DOCK9: variants seen among roughly 807,000 people sequenced by gnomAD.
DOCK9 encodes the protein dedicator of cytokinesis protein 9.
In DOCK9, 89 loss-of-function variants were observed where a neutral mutation model predicts 263.3. That is an observed-to-expected ratio of 0.34 (90% CI 0.28 to 0.40). The LOEUF (loss-of-function observed/expected upper bound fraction) is 0.40. DOCK9 is among the 10% of genes least tolerant of loss of function. The pLI, the probability that DOCK9 is intolerant of heterozygous loss-of-function variation, is 1.00. For synonymous variants in DOCK9, 976 were observed against 973.1 expected (o/e 1.00, Z -0.06); for missense variants, 2,140 against 2,603.4 (o/e 0.82, Z 3.87).
At position 99,074,410 on chromosome 13, in the gene DOCK9, A is replaced by C. The variant is rs139720981; in HGVS notation, c.129+11813T>G. Among the ~76,000 whole-genome samples the C allele has an allele frequency of 3.2e-3, 489 of 152,386 alleles. 16 individuals carry two copies. The highest frequency in any genetic ancestry group is 3.9e-3 in the East Asian group (20 of 5,190). Reference sequence around the variant, plus strand: ...TGAACATCATATACAAGAAGGCAAGAGATCACTTTTTACCGCAATAAGCAA... The same window carrying C: ...TGAACATCATATACAAGAAGGCAAGCGATCACTTTTTACCGCAATAAGCAA... On this transcript the variant is annotated intron_variant, in intron 1 of 32. Coordinates refer to the DOCK9 transcript ENST00000427887.
intron 1 of DOCK9, among the ~76,000 whole-genome samples, chr13:99,020,147 TA>T (rs1885908281): frequency 6.6e-6 from 1 of 152,184 alleles, no homozygotes; most frequent in Non-Finnish European, 1.5e-5. Context: ...GAATGGCACC[TA>T]CTCTGCCCAC....
At chr13:98,976,643 T>C (rs2060304373) in intron 1 of DOCK9, among the ~76,000 whole-genome samples, 1 of 152,216 alleles carries the variant, frequency 6.6e-6, no homozygotes, top group South Asian at 2.1e-4. Context: ...GAACAATGAA[T>C]TACATTTCTA....
At chr13:99,011,451 G>A (rs770608252) in intron 1 of DOCK9, among the ~76,000 whole-genome samples, 2 of 152,162 alleles carry the variant, frequency 1.3e-5, no homozygotes, top group Non-Finnish European at 2.9e-5. Context: ...GCTGGGATCA[G>A]CTACATGAAC....
intron 52 of DOCK9, among the ~76,000 whole-genome samples, chr13:98,795,883 C>A (rs2089319962): frequency 6.6e-6 from 1 of 151,980 alleles, no homozygotes; most frequent in African/African-American, 2.4e-5. Context: ...CTCAGCCTCC[C>A]GAGTAGCTGA....
chr13:98,941,043 A>G (rs7986693), intron 2 of DOCK9, among the ~76,000 whole-genome samples: 125,508 of 152,088 alleles, frequency 0.83, 53,485 homozygotes, highest in East Asian at 0.93. Flanking sequence ...CCCTTCTCCA[A>G]CAGTCCAGCA....
chr13:98,920,026 C>CAGATGGAT (rs2051645046), intron 7 of DOCK9, among the ~76,000 whole-genome samples: 1 of 151,976 alleles, frequency 6.6e-6, no homozygotes, highest in Non-Finnish European at 1.5e-5. Flanking sequence ...GAGGGGTGGA[C>CAGATGGAT]AGATGGATGG....
chr13:98,887,143 A>ATTTTTTTTTTTTTTTTTTTTTT (rs58434344), intron 18 of DOCK9, among the ~76,000 whole-genome samples: 1 of 95,292 alleles, frequency 1.0e-5, no homozygotes, highest in African/African-American at 4.3e-5. Flanking sequence ...ATATATATAT[A>ATTTTTTTTTTTTTTTTTTTTTT]TTTTTTTTTT....
chr13:98,903,158 TA>T (rs2048547861), intron 10 of DOCK9, 46 bp from the exon 11 acceptor site: 1 of 1,384,732 alleles, frequency 7.2e-7, no homozygotes, highest in Admixed American at 3.0e-5. Context: ...GCTCTTATTT[TA>T]AAAAAACATC....
chr13:98,823,146 AAG>A (rs1304796507), intron 45 of DOCK9, among the ~76,000 whole-genome samples: 1 of 151,868 alleles, frequency 6.6e-6, no homozygotes, highest in Non-Finnish European at 1.5e-5. Context: ...AAAAAGAGTG[AAG>A]AGTAGTAGTA....
intron 1 of DOCK9, among the ~76,000 whole-genome samples, chr13:99,056,838 G>T (rs12854836): frequency 6.6e-6 from 1 of 152,176 alleles, no homozygotes; most frequent in African/African-American, 2.4e-5. Flanking sequence ...GCAGCTCCTC[G>T]CCCTGAGGAA....
intron 21 of DOCK9, 127 bp from the exon 22 acceptor site, chr13:98,884,026 T>A: frequency 1.6e-6 from 1 of 627,988 alleles, no homozygotes. Context: ...TTGGCGACTG[T>A]GCCGGGCCCA....
intron 43 of DOCK9, among the ~76,000 whole-genome samples, chr13:98,828,577 A>G (rs564854261): frequency 5.3e-5 from 8 of 152,366 alleles, no homozygotes; most frequent in South Asian, 2.1e-4. Flanking sequence ...TCAAACAGTT[A>G]TAAAAGTTTA....
intron 1 of DOCK9, among the ~76,000 whole-genome samples, chr13:99,015,007 C>CCCT (rs931828739): frequency 6.6e-6 from 1 of 152,260 alleles, no homozygotes; most frequent in African/African-American, 2.4e-5. Context: ...AAATTTCTCC[C>CCCT]CCCCGCATCA....
rs2050552894 is a variant in DOCK9 at position 98,914,389 on chromosome 13, T to C, written c.899A>G (p.Glu300Gly). ...KRNGDSHEDD[E>G]QSKLEGSGSG... ...ACCAGAACCTTCCAATTTGCTTTGT[T>C]CATCATCTAAAATGGCAAAACAGAT... Residue 300 changes from glutamate (E) to glycine (G), a missense_variant, in exon 9 of 53, where the codon GAA becomes GGA. Glu to Gly is a moderately conservative substitution (Grantham distance 98, BLOSUM62 -2). Coordinates refer to ENST00000682017, the MANE Select transcript of DOCK9 (RefSeq NM_001366683.2). The C allele has an allele frequency of 6.2e-7, 1 of 1,607,864 alleles. No homozygotes were observed. The highest frequency in any genetic ancestry group is 2.2e-5 in the East Asian group (1 of 44,758).
chr13:99,084,869 G>T lies in DOCK9; in HGVS notation c.129+1354C>A, dbSNP rs561167012. Among the ~76,000 whole-genome samples, 25 of 152,340 alleles carry T rather than the reference G, an allele frequency of 1.6e-4. No individual in the cohort carries two copies. The South Asian group carries it at 3.5e-3, about 21-fold the overall frequency. ...ACTGGCAAAACTCAGGAAGATGCAG[G>T]AAGCCACACAGAAGTTAGCTGGTTA... On this transcript the variant is annotated intron_variant, in intron 1 of 32. Transcript: ENST00000427887.
chr13:99,001,631 AGAT>A (rs1882327954), intron 1 of DOCK9, among the ~76,000 whole-genome samples: 3 of 152,236 alleles, frequency 2.0e-5, no homozygotes, highest in African/African-American at 4.8e-5. Flanking sequence ...AGTCAAAACA[AGAT>A]GATAAGCCTA....
chr13:99,026,447 G>C (rs118047224), intron 1 of DOCK9, among the ~76,000 whole-genome samples: 1 of 152,192 alleles, frequency 6.6e-6, no homozygotes, highest in South Asian at 2.1e-4. Flanking sequence ...TCCTGGCACT[G>C]CATATGCAGA....
At chr13:99,074,083 C>T (rs1194848332) in intron 1 of DOCK9, among the ~76,000 whole-genome samples, 1 of 152,254 alleles carries the variant, frequency 6.6e-6, no homozygotes, top group Non-Finnish European at 1.5e-5. Flanking sequence ...ATTTTCACTA[C>T]AAGATAAAAA....
At chr13:98,863,267 T>C (rs760815454) in intron 31 of DOCK9, 103 bp downstream of exon 31, 34 of 1,513,940 alleles carry the variant, frequency 2.2e-5, no homozygotes, top group Non-Finnish European at 2.8e-5. Context: ...TAGAGCAAAA[T>C]CTTAGTGCTG....
Sources: gnomAD v4.1 joint callset for allele counts (sites outside exome capture counted in the v4.1 genomes callset) on GRCh38, gnomAD v4.1.1 for gene constraint, MANE v1.5 for transcripts, NCBI Gene and HGNC (gene_info 2026-07-23, HGNC 2026-07-21) for gene names.